Variants in SLC37A1 observed in about 807,000 individuals in gnomAD.
SLC37A1 encodes solute carrier family 37 member 1, also known as glucose-6-phosphate exchanger SLC37A1.
Under a neutral mutation model 75.3 loss-of-function variants are expected in SLC37A1, and 49 were observed. That is an observed-to-expected ratio of 0.65 (90% CI 0.52 to 0.83). SLC37A1 has a LOEUF of 0.83. SLC37A1 is among the 40% of genes least tolerant of loss of function. SLC37A1 has a pLI of 0.00. For missense variants in SLC37A1, 566 were observed against 695.0 expected (o/e 0.81, Z 2.09); for synonymous variants, 268 against 292.1 (o/e 0.92, Z 0.84).
chr21:42,508,160 G>A lies in SLC37A1; in HGVS notation c.-179+5743G>A, dbSNP rs189950549. On this transcript the variant is annotated intron_variant, in intron 2 of 20. Transcript: ENST00000398341. The stretch of plus-strand genomic sequence containing the variant: ...TTTTTTTTTTTTGAGGCGGAGTCTC[G>A]CTCTGTTGCCCAGGCTGGAGTGCAA... Among the ~76,000 whole-genome samples the A allele has an allele frequency of 5.7e-3, 724 of 126,520 alleles. 4 individuals carry two copies. The highest frequency in any genetic ancestry group is 8.9e-3 in the Non-Finnish European group (569 of 63,976). The allele number at this position is 126,520 out of a possible 152,430, so 83.0% of individuals were successfully genotyped here. A position where few individuals can be genotyped will look rare whatever the true frequency, so the allele number is the denominator to read the frequency against.
At chr21:42,563,793 C>T in intron 12 of SLC37A1, 22 bp from the exon 13 acceptor site, 1 of 1,613,548 alleles carries the variant, frequency 6.2e-7, no homozygotes, top group East Asian at 2.2e-5. Context: ...CACTGTTTCA[C>T]ACTCCGTTGT....
intron 7 of SLC37A1, among the ~76,000 whole-genome samples, chr21:42,543,175 G>GA (rs2055324452): frequency 6.6e-6 from 1 of 152,220 alleles, no homozygotes; most frequent in South Asian, 2.1e-4. Context: ...GACTTTCAGG[G>GA]AAAGGCCTCT....
chr21:42,529,451 G>A (rs888125008), intron 3 of SLC37A1, among the ~76,000 whole-genome samples: 5 of 152,108 alleles, frequency 3.3e-5, no homozygotes, highest in Non-Finnish European at 7.3e-5. Flanking sequence ...CTACTTGGGA[G>A]ACTGACGCAT....
At chr21:42,561,730 T>C (rs1489984775) in intron 11 of SLC37A1, 2 of 232,282 alleles carry the variant, frequency 8.6e-6, no homozygotes, top group Non-Finnish European at 1.7e-5. Context: ...AGAAACGCCG[T>C]AGATAAACAG....
intron 2 of SLC37A1, among the ~76,000 whole-genome samples, chr21:42,503,955 G>C (rs1262319974): frequency 6.6e-6 from 1 of 152,160 alleles, no homozygotes; most frequent in Non-Finnish European, 1.5e-5. Flanking sequence ...CATCCGGGTG[G>C]TACTAGAACA....
At chr21:42,574,428 T>C (rs182098614) in intron 17 of SLC37A1, among the ~76,000 whole-genome samples, 1 of 152,180 alleles carries the variant, frequency 6.6e-6, no homozygotes, top group East Asian at 1.9e-4. Flanking sequence ...TACGGAGGCG[T>C]ACAGGTGGAG....
At chr21:42,533,963 A>T (rs1259026955) in intron 3 of SLC37A1, among the ~76,000 whole-genome samples, 6 of 152,082 alleles carry the variant, frequency 3.9e-5, no homozygotes, top group African/African-American at 1.4e-4. Context: ...GGATATTTTT[A>T]AATTGAGGTA....
In SLC37A1 at chr21:42,525,803, A is replaced by G. The variant is rs757520975; in HGVS notation, c.84A>G (p.Thr28=). ...QWYRAFIFIL[T]FLLYASFHLS... ...ACAGAGCCTTCATTTTTATTTTGAC[A>G]TTTCTGCTGTATGCAAGTTTTCACT... Residue 28 remains threonine (T), a synonymous_variant, in exon 3 of 20, where the codon ACA becomes ACG. Coordinates refer to ENST00000352133, the MANE Select transcript of SLC37A1 (RefSeq NM_001320537.2). The G allele has an allele frequency of 3.1e-6, 5 of 1,613,898 alleles. No homozygotes were observed. The highest frequency in any genetic ancestry group is 4.2e-6 in the Non-Finnish European group (5 of 1,179,968).
At chr21:42,521,769 TTTA>T (rs149773048) in intron 2 of SLC37A1, among the ~76,000 whole-genome samples, 22,279 of 152,224 alleles carry the variant, frequency 0.15, 2,379 homozygotes, top group African/African-American at 0.3. Context: ...GATTAGATCA[TTTA>T]TTTTTTTATT....
intron 3 of SLC37A1, among the ~76,000 whole-genome samples, chr21:42,530,846 C>T (rs1037963482): frequency 6.6e-6 from 1 of 152,110 alleles, no homozygotes; most frequent in Non-Finnish European, 1.5e-5. Flanking sequence ...GAGAATGTGT[C>T]GCGTGGCTGT....
chr21:42,563,687 T>C (rs2055894663), intron 12 of SLC37A1, 128 bp from the exon 13 acceptor site: 1 of 750,118 alleles, frequency 1.3e-6, no homozygotes. Flanking sequence ...TAACTACTAA[T>C]TGCTCCTCGG....
rs1267955396 is a variant in SLC37A1, at chr21:42,565,844, C to T, written c.1239C>T (p.Thr413=). 2 of 1,614,124 alleles carry T rather than the reference C, an allele frequency of 1.2e-6. No homozygotes were observed. Among genetic ancestry groups the T allele is most frequent in the Non-Finnish European group, 1.7e-6 (2 of 1,179,986 alleles). ...LAAPTLYIFS[T]VSKMGLEATI... is the part of the protein sequence containing the mutation. ...GTCCACAGCTCTACATCTTCTCCACCGTCAGCAAGATGGGGCTTGAGGCCA... is the reference window on the plus strand; with the variant it reads ...GTCCACAGCTCTACATCTTCTCCACTGTCAGCAAGATGGGGCTTGAGGCCA... The change falls in exon 15 of 20, where the codon ACC becomes ACT. Residue 413 remains threonine (T), a synonymous_variant. Coordinates refer to ENST00000352133, the MANE Select transcript of SLC37A1 (RefSeq NM_001320537.2).
chr21:42,533,441 T>C (rs2055048066), intron 3 of SLC37A1, among the ~76,000 whole-genome samples: 1 of 152,112 alleles, frequency 6.6e-6, no homozygotes, highest in Non-Finnish European at 1.5e-5. Context: ...GGACACACAG[T>C]CACAGAGCAC....
chr21:42,513,730 G>A (rs549598384), upstream of SLC37A1, among the ~76,000 whole-genome samples: 1,373 of 147,994 alleles, frequency 9.3e-3, 12 homozygotes, highest in African/African-American at 0.016. Context: ...GGGCACGCCG[G>A]GGCCGGGGCC....
rs73375862 is a variant in SLC37A1, at chr21:42,578,981, C to G, written c.1522-755C>G. 2.3e-3 allele frequency among the ~76,000 whole-genome samples: 350 copies of G among 152,342 alleles called. 1 individual carries two copies. The highest frequency in any genetic ancestry group is 8.1e-3 in the African/African-American group (335 of 41,580). On this transcript the variant is annotated intron_variant, in intron 18 of 19. Coordinates refer to ENST00000352133, the MANE Select transcript of SLC37A1 (RefSeq NM_001320537.2). ...TCTGCTGCCCTCTAAGAACGAGGGG[C>G]CACGTCCAGGGAGAGCCCTCCTGTG...
intron 17 of SLC37A1, among the ~76,000 whole-genome samples, chr21:42,574,156 G>T (rs980847074): frequency 1.3e-5 from 2 of 152,202 alleles, no homozygotes; most frequent in Admixed American, 6.5e-5. Context: ...AAAACAAGGA[G>T]TTCCATGACA....
In SLC37A1 at chr21:42,518,485, AT is replaced by A. The variant is rs762311072; in HGVS notation, c.32del (p.Ile11ThrfsTer17). On this transcript the variant is annotated frameshift_variant, in exon 2 of 20. Transcript: ENST00000352133. LOFTEE classifies it high-confidence loss of function. MARLPAGIRF[I>X]ISFSRDQWYR... ...TCGACTCCCCGCTGGCATTCGCTTC[AT>A]CATCTCATTCTCCAGGGATCAGTGG... is the stretch of plus-strand genomic sequence containing the variant. 6.2e-7 allele frequency: 1 copy of A among 1,614,148 alleles called. No individual in the cohort carries two copies. The highest frequency in any genetic ancestry group is 8.5e-7 in the Non-Finnish European group (1 of 1,180,026).
At chr21:42,573,505 A>T (rs445343) in intron 17 of SLC37A1, among the ~76,000 whole-genome samples, 96,173 of 151,772 alleles carry the variant, frequency 0.63, 31,282 homozygotes, top group African/African-American at 0.72. Context: ...CGGTGGGAGG[A>T]TTTATCATCT....
chr21:42,576,534 T>G (rs2056313909), intron 18 of SLC37A1, among the ~76,000 whole-genome samples: 1 of 152,022 alleles, frequency 6.6e-6, no homozygotes. Flanking sequence ...CCACATTGAA[T>G]GACAGTAACA....
Sources: gnomAD v4.1 joint callset for allele counts (sites outside exome capture counted in the v4.1 genomes callset) on GRCh38, gnomAD v4.1.1 for gene constraint, MANE v1.5 for transcripts, NCBI Gene and HGNC (gene_info 2026-07-23, HGNC 2026-07-21) for gene names.